VPS33B: variants seen among roughly 807,000 people sequenced by gnomAD.
VPS33B encodes vacuolar protein sorting-associated protein 33B.
VPS33B carries 80 observed loss-of-function variants against 95.3 expected under a neutral mutation model. That is an observed-to-expected ratio of 0.84 (90% CI 0.70 to 1.01). VPS33B has a LOEUF of 1.01. Among genes scored for constraint, VPS33B ranks in the 50% least tolerant of loss-of-function variants. VPS33B has a pLI of 0.00. For missense variants in VPS33B, 715 were observed against 773.4 expected (o/e 0.92, Z 0.90); for synonymous variants, 280 against 280.4 (o/e 1.00, Z 0.01).
chr15:91,017,611 G>A (rs2040979442), intron 2 of VPS33B, among the ~76,000 whole-genome samples, 194 bp downstream of exon 2: 1 of 151,144 alleles, frequency 6.6e-6, no homozygotes, highest in Non-Finnish European at 1.5e-5. Context: ...CTGGGCAACA[G>A]AGAGAGACTC....
rs765097149 is a variant in VPS33B at position 91,006,743 on chromosome 15, C to T, written c.701-14G>A. 1.9e-6 allele frequency: 3 copies of T among 1,614,062 alleles called. No homozygotes were observed. The highest frequency in any genetic ancestry group is 2.5e-6 in the Non-Finnish European group (3 of 1,180,032). On this transcript the variant is annotated splice_polypyrimidine_tract_variant and intron_variant, in intron 9 of 22. Coordinates refer to ENST00000333371, the MANE Select transcript of VPS33B (RefSeq NM_018668.5). The surrounding 1 kb of genome is among the most constrained non-coding windows in gnomAD (Gnocchi z 5.4). Reference sequence around the variant, plus strand: ...CAAAGTCCACATCTGAAACAGAGATCCCTGACCATGAAGGTTCTCCCTGAC... The same window carrying T: ...CAAAGTCCACATCTGAAACAGAGATTCCTGACCATGAAGGTTCTCCCTGAC...
At position 90,999,640 on chromosome 15, in the gene VPS33B, A is replaced by C; in HGVS notation, c.1774+37T>G. On this transcript the variant is annotated intron_variant, in intron 22 of 22. Coordinates refer to ENST00000333371, the MANE Select transcript of VPS33B (RefSeq NM_018668.5). This position sits in a 1 kb window ranked among gnomAD's most constrained non-coding sequence, Gnocchi z 5.1. ...AGCTGACACTTTGTTACCCAGATAC[A>C]ATGCAGGCCAATTCTCACCTTTCTG... The C allele has an allele frequency of 6.2e-7, 1 of 1,605,582 alleles. No individual in the cohort carries two copies. The highest frequency in any genetic ancestry group is 2.2e-5 in the East Asian group (1 of 44,832).
chr15:90,998,663 G>A (rs2040342259), downstream of VPS33B: 2 of 423,082 alleles, frequency 4.7e-6, no homozygotes, highest in Non-Finnish European at 8.9e-6. This position sits in a 1 kb window ranked among gnomAD's most constrained non-coding sequence, Gnocchi z 4.8. Context: ...TGTCCAGAAC[G>A]ACCAACGTAT....
intron 5 of VPS33B, among the ~76,000 whole-genome samples, chr15:91,012,912 G>A (rs539034796): frequency 6.6e-6 from 1 of 152,222 alleles, no homozygotes; most frequent in East Asian, 1.9e-4. Context: ...CAAAGTTGGG[G>A]TGGAGTAAAA....
Position 91,006,650 on chromosome 15 carries a change from A to C in VPS33B, c.778+2T>G, listed in dbSNP as rs1174027832. The C allele has an allele frequency of 6.2e-7, 1 of 1,614,194 alleles. No individual in the cohort carries two copies. Among genetic ancestry groups the C allele is most frequent in the Admixed American group, 1.7e-5 (1 of 60,028 alleles). On this transcript the variant is annotated splice_donor_variant, in intron 10 of 22. Transcript: ENST00000333371. LOFTEE classifies it high-confidence loss of function. This position sits in a 1 kb window ranked among gnomAD's most constrained non-coding sequence, Gnocchi z 5.4. ...CAAGATGCAGAGGACCATAGCACTTACCACACTTGATGCGGAAGGTGTCAT... is the reference window on the plus strand; with the variant it reads ...CAAGATGCAGAGGACCATAGCACTTCCCACACTTGATGCGGAAGGTGTCAT...
At chr15:91,014,503 G>T (rs533536883) in intron 3 of VPS33B, 70 bp from the exon 4 acceptor site, 2 of 1,544,114 alleles carry the variant, frequency 1.3e-6, no homozygotes, top group South Asian at 2.2e-5. Context: ...AGAAGAAACT[G>T]AAACAATACC....
chr15:91,013,331 A>G lies in VPS33B; in HGVS notation c.357+473T>C. ...TGACAGGTATTAGGTTCAATCACAC[A>G]TAATTTGCTTTGAGGGAGTGCTATG... On this transcript the variant is annotated intron_variant, in intron 5 of 22. Transcript: ENST00000333371. This position sits in a 1 kb window ranked among gnomAD's most constrained non-coding sequence, Gnocchi z 4.5. Among the ~76,000 whole-genome samples, 1 of 152,370 alleles carries G rather than the reference A, an allele frequency of 6.6e-6. No homozygotes were observed. The highest frequency in any genetic ancestry group is 1.9e-4 in the East Asian group (1 of 5,192).
In VPS33B at chr15:91,007,892, T is replaced by G; in HGVS notation, c.476A>C (p.Glu159Ala). 1 of 1,614,154 alleles carries G rather than the reference T, an allele frequency of 6.2e-7. No individual in the cohort carries two copies. Among genetic ancestry groups the G allele is most frequent in the Non-Finnish European group, 8.5e-7 (1 of 1,180,034 alleles). Reference sequence around the variant, plus strand: ...TACCAGAAAGTAATCCCTGAAAAATTCTGGTAGTTCCATGCTCAGCAGATC... The same window carrying G: ...TACCAGAAAGTAATCCCTGAAAAATGCTGGTAGTTCCATGCTCAGCAGATC... ...DVDLLSMELP[E>A]FFRDYFLEGD... Residue 159 changes from glutamate (E) to alanine (A), a missense_variant, in exon 7 of 23, where the codon GAA (glutamate) becomes GCA (alanine). Physicochemically the swap from Glu to Ala is moderately radical, Grantham distance 107 (BLOSUM62 -1). Transcript: ENST00000333371. This position sits in a 1 kb window ranked among gnomAD's most constrained non-coding sequence, Gnocchi z 5.3.
At chr15:91,021,036 A>T (rs1567231640) in intron 1 of VPS33B, among the ~76,000 whole-genome samples, 1 of 152,014 alleles carries the variant, frequency 6.6e-6, no homozygotes, top group Non-Finnish European at 1.5e-5. Flanking sequence ...CGGGCATCTT[A>T]ACTTCCCCCA....
Position 91,005,810 on chromosome 15 carries a change from C to G in VPS33B, c.940-26G>C. 6.2e-7 allele frequency: 1 copy of G among 1,613,632 alleles called. No homozygotes were observed. Among genetic ancestry groups the G allele is most frequent in the African/African-American group, 1.3e-5 (1 of 75,030 alleles). The stretch of plus-strand genomic sequence containing the variant: ...CTGTGGGAAAATTCCCAAAGGTGAA[C>G]CCCCCAACCTCAGACACGAGAAACC... On this transcript the variant is annotated intron_variant, in intron 12 of 22. Coordinates refer to ENST00000333371, the MANE Select transcript of VPS33B (RefSeq NM_018668.5). This position sits in a 1 kb window ranked among gnomAD's most constrained non-coding sequence, Gnocchi z 6.4.
rs149943529 is a variant in VPS33B at position 91,004,904 on chromosome 15, T to C, written c.1198A>G (p.Met400Val). The C allele has an allele frequency of 4.0e-5, 64 of 1,614,218 alleles. No homozygotes were observed. The African/African-American group carries it at 5.5e-4, about 14-fold the overall frequency. Reference sequence around the variant, plus strand: ...TTCTCAGTGATGGACAAAAGGCACATGAGGCGCAGGCTTTCTATAGGCGAC... The same window carrying C: ...TTCTCAGTGATGGACAAAAGGCACACGAGGCGCAGGCTTTCTATAGGCGAC... ...QVSPIESLRLMCLLSITENGL... is the reference protein window; with the variant it reads ...QVSPIESLRLVCLLSITENGL... Residue 400 changes from methionine to valine, a missense_variant, in exon 16 of 23, where the codon ATG becomes GTG. Transcript: ENST00000333371.
At position 90,999,720 on chromosome 15, in the gene VPS33B, T is replaced by C. The variant is rs753564764; in HGVS notation, c.1731A>G (p.Thr577=). The change falls in exon 22 of 23, where the codon ACA becomes ACG. Residue 577 remains threonine (T), a synonymous_variant. Coordinates refer to ENST00000333371, the MANE Select transcript of VPS33B (RefSeq NM_018668.5). The surrounding 1 kb of genome is among the most constrained non-coding windows in gnomAD (Gnocchi z 5.1). ...ACCGGAGGGCTGAGATCTCAGAGAA[T>C]GTACAACCACCCAAGAACACCACCA... ...LILVVFLGGC[T]FSEISALRFL... is the part of the protein sequence containing the mutation. 7.4e-6 allele frequency: 12 copies of C among 1,614,082 alleles called. No individual in the cohort carries two copies. Among genetic ancestry groups the C allele is most frequent in the Admixed American group, 1.7e-5 (1 of 60,000 alleles).
Position 91,018,262 on chromosome 15 carries a change from C to T in VPS33B, c.97-377G>A, listed in dbSNP as rs545756858. 7.4e-4 allele frequency among the ~76,000 whole-genome samples: 113 copies of T among 152,276 alleles called. 1 individual carries two copies. The highest frequency in any genetic ancestry group is 6.0e-3 in the South Asian group (29 of 4,826). On this transcript the variant is annotated intron_variant, in intron 1 of 22. Transcript: ENST00000333371. The surrounding 1 kb of genome is among the most constrained non-coding windows in gnomAD (Gnocchi z 4.7). ...TGAACAAAGCCAAACACAACAGAAC[C>T]CCACCTTGCATTTTTCTCCTAAGTA...
At chr15:91,016,230 A>G (rs2151682129) in intron 3 of VPS33B, among the ~76,000 whole-genome samples, 1 of 152,334 alleles carries the variant, frequency 6.6e-6, no homozygotes, top group African/African-American at 2.4e-5. Context: ...GGCAGGTGGA[A>G]GCACATGTCA....
Position 91,007,813 on chromosome 15 carries a change from G to A in VPS33B, c.498+57C>T. On this transcript the variant is annotated intron_variant, in intron 7 of 22. Coordinates refer to ENST00000333371, the MANE Select transcript of VPS33B (RefSeq NM_018668.5). The surrounding 1 kb of genome is among the most constrained non-coding windows in gnomAD (Gnocchi z 5.3). The stretch of plus-strand genomic sequence containing the variant: ...GTTATATTGGTATTTCTAGCCCTCT[G>A]CATCCCACATTTGTCCCCATCCCCT... The A allele has an allele frequency of 6.7e-7, 1 of 1,500,746 alleles. No homozygotes were observed. Among genetic ancestry groups the A allele is most frequent in the Non-Finnish European group, 9.3e-7 (1 of 1,077,220 alleles). 93.0% of individuals were successfully genotyped at this position (1,500,746 alleles called of 1,614,324 possible).
chr15:90,998,662 C>T (rs1346933584), downstream of VPS33B: 10 of 420,620 alleles, frequency 2.4e-5, no homozygotes, highest in Admixed American at 3.5e-5. This position sits in a 1 kb window ranked among gnomAD's most constrained non-coding sequence, Gnocchi z 4.8. Flanking sequence ...GTGTCCAGAA[C>T]GACCAACGTA....
At position 91,007,556 on chromosome 15, in the gene VPS33B, C is replaced by T; in HGVS notation, c.516G>A (p.Trp172Ter). The change falls in exon 8 of 23, where the codon TGG becomes TGA. Residue 172 changes from tryptophan (W) to a stop codon, truncating the protein, a stop_gained. Coordinates refer to ENST00000333371, the MANE Select transcript of VPS33B (RefSeq NM_018668.5). LOFTEE classifies it high-confidence loss of function. This position sits in a 1 kb window ranked among gnomAD's most constrained non-coding sequence, Gnocchi z 5.3. ...RDYFLEGDQR[W>*]INTVAQALHL... ...GTAAGGCCTGAGCTACAGTGTTGATCCAACGCTGATCTCCTTCCTGCAGGG... is the reference window on the plus strand; with the variant it reads ...GTAAGGCCTGAGCTACAGTGTTGATTCAACGCTGATCTCCTTCCTGCAGGG... 3.7e-6 allele frequency: 6 copies of T among 1,614,116 alleles called. No homozygotes were observed. The highest frequency in any genetic ancestry group is 5.1e-6 in the Non-Finnish European group (6 of 1,179,986).
rs921513528 is a variant in VPS33B at position 91,018,844 on chromosome 15, C to T, written c.97-959G>A. Reference sequence around the variant, plus strand: ...GTTTGTTTGTTTTTTGAGATGAAGTCTCCCTCTGACACCCAGGCTGGAGTG... The same window carrying T: ...GTTTGTTTGTTTTTTGAGATGAAGTTTCCCTCTGACACCCAGGCTGGAGTG... On this transcript the variant is annotated intron_variant, in intron 1 of 22. Coordinates refer to ENST00000333371, the MANE Select transcript of VPS33B (RefSeq NM_018668.5). The surrounding 1 kb of genome is among the most constrained non-coding windows in gnomAD (Gnocchi z 4.7). 2.0e-5 allele frequency among the ~76,000 whole-genome samples: 3 copies of T among 152,132 alleles called. No homozygotes were observed. The highest frequency in any genetic ancestry group is 4.8e-5 in the African/African-American group (2 of 41,420).
intron 2 of VPS33B, among the ~76,000 whole-genome samples, chr15:91,017,576 T>C (rs935214648): frequency 6.6e-6 from 1 of 151,470 alleles, no homozygotes; most frequent in Non-Finnish European, 1.5e-5. Context: ...TGAGCTGTGA[T>C]TGTGTCACTA....
Sources: allele counts gnomAD v4.1 joint callset (sites outside exome capture counted in the v4.1 genomes callset), GRCh38; gene constraint gnomAD v4.1.1; non-coding constraint Gnocchi (gnomAD v3.1); transcripts MANE v1.5; gene names NCBI Gene and HGNC (gene_info 2026-07-23, HGNC 2026-07-21).